Variants in PACRG observed in about 807,000 individuals in gnomAD.
PACRG encodes parkin coregulated.
Under a neutral mutation model 29.7 loss-of-function variants are expected in PACRG, and 29 were observed. The ratio of observed to expected loss-of-function variants is 0.98; its 90% CI spans 0.73 to 1.33. The LOEUF is 1.33. PACRG is among the 40% of genes most tolerant of loss of function. The probability of loss-of-function intolerance (pLI) is 0.00; values close to 1 mark genes in which losing one functional copy is unlikely to be tolerated. For missense variants in PACRG, 279 were observed against 316.2 expected (o/e 0.88, Z 0.89); for synonymous variants, 116 against 118.7 (o/e 0.98, Z 0.15).
At chr6:163,233,753 T>C (rs935508074) in intron 4 of PACRG, among the ~76,000 whole-genome samples, 1 of 152,106 alleles carries the variant, frequency 6.6e-6, no homozygotes, top group Non-Finnish European at 1.5e-5. Flanking sequence ...TAACACAGAA[T>C]TGTGAGTGAG....
chr6:162,923,435 C>T (rs1797207984), intron 2 of PACRG, among the ~76,000 whole-genome samples: 1 of 152,064 alleles, frequency 6.6e-6, no homozygotes, highest in East Asian at 1.9e-4. Context: ...TTTGCTATGC[C>T]AATTTCTTAG....
intron 4 of PACRG, among the ~76,000 whole-genome samples, chr6:163,302,904 T>C (rs1387852538): frequency 6.6e-6 from 1 of 152,250 alleles, no homozygotes; most frequent in Non-Finnish European, 1.5e-5. Context: ...CCCAGTCACC[T>C]ACAATGATTC....
chr6:163,237,005 G>A (rs768490718), intron 4 of PACRG, among the ~76,000 whole-genome samples: 3 of 152,152 alleles, frequency 2.0e-5, no homozygotes, highest in South Asian at 2.1e-4. Flanking sequence ...GGAAAGTTCC[G>A]CCCCCATGAT....
chr6:163,137,548 C>A (rs191210198), intron 4 of PACRG, among the ~76,000 whole-genome samples: 10 of 152,294 alleles, frequency 6.6e-5, no homozygotes, highest in African/African-American at 2.2e-4. Context: ...CTCTCCGATC[C>A]TTTCTCCATC....
At chr6:162,811,207 A>G (rs1227092328) in intron 1 of PACRG, among the ~76,000 whole-genome samples, 2 of 152,210 alleles carry the variant, frequency 1.3e-5, no homozygotes, top group African/African-American at 2.4e-5. Flanking sequence ...AGTTTTGGAA[A>G]TGCAGAAGAA....
chr6:163,276,329 T>G (rs1304246286), intron 4 of PACRG, among the ~76,000 whole-genome samples: 1 of 152,142 alleles, frequency 6.6e-6, no homozygotes, highest in Non-Finnish European at 1.5e-5. Context: ...AGCCTGGCCT[T>G]AAAATAGGGT....
At chr6:162,883,688 G>GTC (rs1794091049) in intron 2 of PACRG, among the ~76,000 whole-genome samples, 2 of 140,250 alleles carry the variant, frequency 1.4e-5, no homozygotes, top group Admixed American at 7.1e-5. Context: ...CAAAAACTGT[G>GTC]TGTGTGTGTG....
At chr6:163,027,200 G>A (rs925274975) in intron 2 of PACRG, among the ~76,000 whole-genome samples, 5 of 152,182 alleles carry the variant, frequency 3.3e-5, no homozygotes, top group African/African-American at 9.7e-5. Flanking sequence ...CTCTGGTTGC[G>A]TGTATTTTTT....
chr6:162,922,660 A>G (rs548716709), intron 2 of PACRG, among the ~76,000 whole-genome samples: 1 of 152,144 alleles, frequency 6.6e-6, no homozygotes, highest in South Asian at 2.1e-4. Flanking sequence ...GAATGAGAAC[A>G]TGTGATATTT....
chr6:163,177,674 G>A (rs1028072617), intron 4 of PACRG, among the ~76,000 whole-genome samples: 1 of 133,934 alleles, frequency 7.5e-6, no homozygotes, highest in African/African-American at 2.8e-5. Context: ...TGGAAGGAGA[G>A]ACTAAAAGAG....
chr6:162,787,582 G>GTGTA (rs1198197561), intron 1 of PACRG, among the ~76,000 whole-genome samples: 141 of 62,374 alleles, frequency 2.3e-3, no homozygotes, highest in East Asian at 5.7e-3. Context: ...GTGTGTGTGT[G>GTGTA]TATATATATA....
At chr6:163,190,975 T>C in intron 4 of PACRG, 1 of 456,096 alleles carries the variant, frequency 2.2e-6, no homozygotes, top group Non-Finnish European at 4.4e-6. Flanking sequence ...ACTGTGTTCC[T>C]GAAACAACTG....
chr6:163,121,081 G>A (rs576655981), intron 4 of PACRG, among the ~76,000 whole-genome samples: 42 of 152,266 alleles, frequency 2.8e-4, no homozygotes, highest in African/African-American at 9.6e-4. Context: ...ACAAATTTAA[G>A]AAATAGCTAC....
intron 4 of PACRG, among the ~76,000 whole-genome samples, chr6:163,281,060 TTTGTGCATCC>T (rs1466860975): frequency 6.6e-6 from 1 of 152,044 alleles, no homozygotes; most frequent in African/African-American, 2.4e-5. Flanking sequence ...ATGGGTAGGC[TTTGTGCATCC>T]GGAGATGGGG....
At chr6:162,859,611 TA>T (rs1374565594) in intron 2 of PACRG, among the ~76,000 whole-genome samples, 3 of 152,118 alleles carry the variant, frequency 2.0e-5, no homozygotes, top group African/African-American at 7.2e-5. Context: ...AAGCAAACCA[TA>T]AAACCTAGAA....
chr6:163,064,311 A>T (rs1811346813), intron 3 of PACRG, among the ~76,000 whole-genome samples: 1 of 152,210 alleles, frequency 6.6e-6, no homozygotes, highest in Admixed American at 6.5e-5. Flanking sequence ...AAATGAGTAA[A>T]GCGAGGAGTC....
At chr6:163,103,562 T>C (rs1815218128) in intron 4 of PACRG, among the ~76,000 whole-genome samples, 1 of 152,182 alleles carries the variant, frequency 6.6e-6, no homozygotes, top group Non-Finnish European at 1.5e-5. Context: ...AATAATCCCT[T>C]GTTTTAAGGT....
chr6:163,027,975 C>T (rs535189492), intron 2 of PACRG, among the ~76,000 whole-genome samples: 37 of 152,336 alleles, frequency 2.4e-4, no homozygotes, highest in African/African-American at 8.9e-4. Flanking sequence ...CTGTGCAGCA[C>T]TGCACAAGCC....
At chr6:162,888,153 G>T (rs369731662) in intron 2 of PACRG, among the ~76,000 whole-genome samples, 3 of 151,820 alleles carry the variant, frequency 2.0e-5, no homozygotes, top group Non-Finnish European at 4.4e-5. Flanking sequence ...GGCTGGGGTG[G>T]TCTCATCCTC....
Sources: gnomAD v4.1 joint callset for allele counts (sites outside exome capture counted in the v4.1 genomes callset) on GRCh38, gnomAD v4.1.1 for gene constraint, MANE v1.5 for transcripts, NCBI Gene and HGNC (gene_info 2026-07-23, HGNC 2026-07-21) for gene names.